NKAIN3: variants seen among roughly 807,000 people sequenced by gnomAD.
NKAIN3 encodes the protein sodium/potassium transporting ATPase interacting 3, also known as sodium/potassium-transporting ATPase subunit beta-1-interacting protein 3.
A neutral mutation model predicts 30.2 loss-of-function variants in NKAIN3; 25 were observed. That is an observed-to-expected ratio of 0.83 (90% CI 0.60 to 1.16). NKAIN3 has a LOEUF of 1.16. Among genes scored for constraint, NKAIN3 ranks in the 50% most tolerant of loss-of-function variants. The pLI, the probability that NKAIN3 is intolerant of heterozygous loss-of-function variation, is 0.00. For synonymous variants in NKAIN3, 91 were observed against 89.6 expected, an observed-to-expected ratio of 1.02 and a Z score of -0.09; for missense variants, 225 against 254.1, an observed-to-expected ratio of 0.89 and a Z score of 0.78.
intron 3 of NKAIN3, among the ~76,000 whole-genome samples, chr8:62,674,596 A>G (rs897708001): frequency 3.9e-5 from 6 of 152,146 alleles, no homozygotes; most frequent in Non-Finnish European, 5.9e-5. Context: ...ATAATTAACT[A>G]CTTAATTGCA....
At chr8:62,405,056 A>T (rs1487388381) in intron 1 of NKAIN3, among the ~76,000 whole-genome samples, 2 of 152,134 alleles carry the variant, frequency 1.3e-5, no homozygotes, top group Non-Finnish European at 2.9e-5. Flanking sequence ...TGTCACTGGA[A>T]GCTAGGGCCT....
At chr8:62,432,834 C>G (rs1280463455) in intron 1 of NKAIN3, among the ~76,000 whole-genome samples, 6 of 152,090 alleles carry the variant, frequency 3.9e-5, no homozygotes, top group Non-Finnish European at 8.8e-5. Context: ...ATGCATTTCA[C>G]ACTACCTTAT....
chr8:62,515,010 T>TC (rs1440091052), intron 1 of NKAIN3, among the ~76,000 whole-genome samples: 1 of 152,102 alleles, frequency 6.6e-6, no homozygotes, highest in Non-Finnish European at 1.5e-5. Flanking sequence ...TTTCATTTTC[T>TC]CCCCCAGTCC....
intron 1 of NKAIN3, among the ~76,000 whole-genome samples, chr8:62,497,952 C>A (rs1014095433): frequency 6.6e-6 from 1 of 152,106 alleles, no homozygotes; most frequent in Non-Finnish European, 1.5e-5. Context: ...AGGTGGCTAA[C>A]CTTCATGGAT....
chr8:62,902,284 A>G (rs1317911249), intron 4 of NKAIN3, among the ~76,000 whole-genome samples: 1 of 152,250 alleles, frequency 6.6e-6, no homozygotes, highest in Non-Finnish European at 1.5e-5. Context: ...GCCAGAAACC[A>G]GATTCAAAAT....
At chr8:62,396,409 A>G (rs990762696) in intron 1 of NKAIN3, among the ~76,000 whole-genome samples, 1 of 152,222 alleles carries the variant, frequency 6.6e-6, no homozygotes, top group Admixed American at 6.5e-5. Flanking sequence ...TTATACAATG[A>G]AAAGCTTAGG....
intron 1 of NKAIN3, among the ~76,000 whole-genome samples, chr8:62,391,308 G>A (rs1817578342): frequency 6.6e-6 from 1 of 152,102 alleles, no homozygotes; most frequent in South Asian, 2.1e-4. Context: ...CAGCCTCAGT[G>A]GTCAAAGGGC....
At chr8:62,539,280 A>G (rs1808766107) in intron 1 of NKAIN3, among the ~76,000 whole-genome samples, 1 of 152,250 alleles carries the variant, frequency 6.6e-6, no homozygotes, top group South Asian at 2.1e-4. Flanking sequence ...AAATGATTTC[A>G]TCATTAAGGG....
intron 3 of NKAIN3, among the ~76,000 whole-genome samples, chr8:62,684,042 A>T (rs1563515061): frequency 6.6e-6 from 1 of 152,164 alleles, no homozygotes; most frequent in African/African-American, 2.4e-5. Context: ...CTTACCTTGC[A>T]TTCCTCTCAA....
intron 3 of NKAIN3, among the ~76,000 whole-genome samples, chr8:62,617,336 G>T (rs1811488981): frequency 6.6e-6 from 1 of 152,148 alleles, no homozygotes; most frequent in Admixed American, 6.5e-5. Flanking sequence ...TAGAAGCTCT[G>T]CCAAGAATGG....
Position 62,836,358 on chromosome 8 carries a change from C to CA in NKAIN3, c.472-82092dup, listed in dbSNP as rs534163089. 1.4e-4 allele frequency among the ~76,000 whole-genome samples: 21 copies of CA among 152,094 alleles called. No homozygotes were observed. The South Asian group carries it at 4.2e-3, about 30-fold the overall frequency. On this transcript the variant is annotated intron_variant, in intron 4 of 6. Transcript: ENST00000623646. The stretch of plus-strand genomic sequence containing the variant: ...AATTATTTTTAAAAAAATTTCCACT[C>CA]AAACCCCACATCTAACCTAAATGTT...
At chr8:62,998,523 C>T (rs906871362) in intron 5 of NKAIN3, among the ~76,000 whole-genome samples, 10 of 152,194 alleles carry the variant, frequency 6.6e-5, no homozygotes, top group Non-Finnish European at 1.3e-4. Context: ...GATCCACCTG[C>T]CTCGGCCTCC....
chr8:62,456,000 G>A (rs1476398651), intron 1 of NKAIN3, among the ~76,000 whole-genome samples: 1 of 152,188 alleles, frequency 6.6e-6, no homozygotes. Flanking sequence ...GGTCTGTGCA[G>A]ATTAAGTATG....
intron 1 of NKAIN3, among the ~76,000 whole-genome samples, chr8:62,571,142 T>A (rs913655988): frequency 3.1e-4 from 19 of 61,366 alleles, no homozygotes; most frequent in South Asian, 7.1e-4. Context: ...TAGGCTTATT[T>A]TTTTTTTTTT....
chr8:62,450,858 G>T (rs1805616961), intron 1 of NKAIN3, among the ~76,000 whole-genome samples: 1 of 152,128 alleles, frequency 6.6e-6, no homozygotes, highest in South Asian at 2.1e-4. Context: ...ATTGTGGTGT[G>T]ATATATTTTG....
In NKAIN3 at chr8:62,834,629, G is replaced by A. The variant is rs10102699; in HGVS notation, c.472-83824G>A. Among the ~76,000 whole-genome samples, 1,339 of 151,982 alleles carry A rather than the reference G, an allele frequency of 8.8e-3. 23 individuals are homozygous for A. The highest frequency in any genetic ancestry group is 0.031 in the African/African-American group (1,298 of 41,488). ...CCTAGGAATACATCTAACCAAGGAA[G>A]TGAAAAGATCTCTACAAAGAGAACT... On this transcript the variant is annotated intron_variant, in intron 4 of 6. Transcript: ENST00000623646.
chr8:62,807,837 A>G (rs1818351667), intron 4 of NKAIN3, among the ~76,000 whole-genome samples: 1 of 150,492 alleles, frequency 6.6e-6, no homozygotes. Flanking sequence ...TGATAAATAC[A>G]TACAATTTTA....
chr8:62,261,776 A>C, intron 1 of NKAIN3, among the ~76,000 whole-genome samples: 1 of 152,244 alleles, frequency 6.6e-6, no homozygotes, highest in Non-Finnish European at 1.5e-5. Context: ...TAATTATTTT[A>C]AAAAGCAATC....
At chr8:62,809,862 A>C (rs1818433195) in intron 4 of NKAIN3, among the ~76,000 whole-genome samples, 1 of 152,216 alleles carries the variant, frequency 6.6e-6, no homozygotes, top group Admixed American at 6.6e-5. Context: ...AGGTCTTCTA[A>C]TTCTGAATCC....
Sources: gnomAD v4.1 joint callset for allele counts (sites outside exome capture counted in the v4.1 genomes callset) on GRCh38, gnomAD v4.1.1 for gene constraint, MANE v1.5 for transcripts, NCBI Gene and HGNC (gene_info 2026-07-23, HGNC 2026-07-21) for gene names.